The following HS3ST4 variants were observed in gnomAD, a reference collection of about 807,000 sequenced individuals.
HS3ST4 encodes the protein heparan sulfate-glucosamine 3-sulfotransferase 4.
A neutral mutation model predicts 29.2 loss-of-function variants in HS3ST4; 17 were observed. That is an observed-to-expected ratio of 0.58 (90% CI 0.40 to 0.87). HS3ST4 has a LOEUF of 0.87. Among genes scored for constraint, HS3ST4 ranks in the 40% least tolerant of loss-of-function variants. The pLI is 0.00. For missense variants in HS3ST4, 627 were observed against 634.5 expected, an observed-to-expected ratio of 0.99 and a Z score of 0.13; for synonymous variants, 314 against 285.7, an observed-to-expected ratio of 1.10 and a Z score of -1.00.
intron 1 of HS3ST4, among the ~76,000 whole-genome samples, chr16:25,858,485 A>G (rs1292984934): frequency 6.6e-6 from 1 of 152,156 alleles, no homozygotes; most frequent in Non-Finnish European, 1.5e-5. Context: ...TCTTTTACAA[A>G]TGATTCTGCA....
chr16:25,813,011 A>T (rs938814999), intron 1 of HS3ST4, among the ~76,000 whole-genome samples: 1 of 152,188 alleles, frequency 6.6e-6, no homozygotes, highest in Non-Finnish European at 1.5e-5. Context: ...GGCTCAACTC[A>T]CAGACTAGAT....
At chr16:25,775,571 C>A (rs551201636) in intron 1 of HS3ST4, among the ~76,000 whole-genome samples, 114 of 152,344 alleles carry the variant, frequency 7.5e-4, no homozygotes, top group African/African-American at 2.5e-3. Context: ...TCCATCCCCA[C>A]CACATGCACC....
chr16:26,060,918 A>T (rs1382004853), intron 1 of HS3ST4, among the ~76,000 whole-genome samples: 1 of 152,206 alleles, frequency 6.6e-6, no homozygotes, highest in Non-Finnish European at 1.5e-5. Flanking sequence ...ATTCACTGTT[A>T]TCCACATACT....
intron 1 of HS3ST4, among the ~76,000 whole-genome samples, chr16:25,792,712 G>A (rs1966871908): frequency 1.4e-5 from 2 of 143,434 alleles, no homozygotes; most frequent in Non-Finnish European, 3.1e-5. Flanking sequence ...TTTGTTAGGT[G>A]TTTATCAATT....
chr16:25,840,974 G>GTTTGTTTA (rs1555468296), intron 1 of HS3ST4, among the ~76,000 whole-genome samples: 6 of 51,986 alleles, frequency 1.2e-4, no homozygotes, highest in Admixed American at 4.4e-4. Context: ...ATATTTGTTT[G>GTTTGTTTA]TTTATTTATT....
intron 1 of HS3ST4, among the ~76,000 whole-genome samples, chr16:25,767,588 A>T (rs1966828414): frequency 6.6e-6 from 1 of 151,912 alleles, no homozygotes; most frequent in African/African-American, 2.4e-5. Context: ...ACAGAACAAA[A>T]CTCACAGTGT....
intron 1 of HS3ST4, among the ~76,000 whole-genome samples, chr16:25,914,732 G>A (rs767600436): frequency 1.5e-4 from 23 of 151,798 alleles, no homozygotes; most frequent in Admixed American, 3.9e-4. Context: ...GCCAGAGGGA[G>A]ATGAGAGCTG....
intron 1 of HS3ST4, among the ~76,000 whole-genome samples, chr16:26,077,778 A>G (rs984410666): frequency 6.6e-6 from 1 of 152,262 alleles, no homozygotes; most frequent in Non-Finnish European, 1.5e-5. Flanking sequence ...AGCCTCAAAA[A>G]TGAACCGTGT....
intron 1 of HS3ST4, among the ~76,000 whole-genome samples, chr16:25,951,248 T>G (rs1419086954): frequency 6.6e-6 from 1 of 152,212 alleles, no homozygotes; most frequent in Admixed American, 6.5e-5. Flanking sequence ...CTGCAGCCAC[T>G]GCCAGTTTTT....
chr16:25,872,106 C>T (rs1316795173), intron 1 of HS3ST4, among the ~76,000 whole-genome samples: 3 of 152,158 alleles, frequency 2.0e-5, no homozygotes, highest in Non-Finnish European at 2.9e-5. Context: ...GGTGCTAAAT[C>T]AATGTCTGCT....
At chr16:25,926,594 G>A (rs1364101024) in intron 1 of HS3ST4, among the ~76,000 whole-genome samples, 1 of 152,154 alleles carries the variant, frequency 6.6e-6, no homozygotes, top group Admixed American at 6.5e-5. Flanking sequence ...CCTGCTCAGT[G>A]TTTACCTTAA....
At chr16:26,092,035 G>T (rs867448973) in intron 1 of HS3ST4, among the ~76,000 whole-genome samples, 1 of 152,004 alleles carries the variant, frequency 6.6e-6, no homozygotes, top group African/African-American at 2.4e-5. Context: ...TGGAAATGCC[G>T]AGCTGAGCCC....
intron 1 of HS3ST4, among the ~76,000 whole-genome samples, chr16:25,981,105 C>G (rs898789420): frequency 6.6e-6 from 1 of 152,052 alleles, no homozygotes; most frequent in Non-Finnish European, 1.5e-5. Context: ...GGCCTGTAAT[C>G]CTAGCATTTT....
intron 1 of HS3ST4, among the ~76,000 whole-genome samples, chr16:25,907,014 G>A (rs1266933822): frequency 2.6e-5 from 4 of 152,018 alleles, no homozygotes; most frequent in Admixed American, 1.3e-4. Context: ...GGGCAACATA[G>A]CAAGACCCTA....
At chr16:26,035,909 C>T (rs777477476) in intron 1 of HS3ST4, among the ~76,000 whole-genome samples, 8 of 152,224 alleles carry the variant, frequency 5.3e-5, no homozygotes, top group Non-Finnish European at 1.0e-4. Context: ...ATTATGTGAA[C>T]TATGAGTGCA....
At chr16:25,888,507 C>T (rs1217409248) in intron 1 of HS3ST4, among the ~76,000 whole-genome samples, 1 of 152,218 alleles carries the variant, frequency 6.6e-6, no homozygotes, top group East Asian at 1.9e-4. Flanking sequence ...ATTACAGTGA[C>T]TTCCAAGACT....
At chr16:25,903,964 G>T (rs1313206903) in intron 1 of HS3ST4, among the ~76,000 whole-genome samples, 3 of 152,138 alleles carry the variant, frequency 2.0e-5, no homozygotes, top group Non-Finnish European at 2.9e-5. Context: ...ATAAATATTT[G>T]GTGAATGAGA....
intron 1 of HS3ST4, among the ~76,000 whole-genome samples, chr16:26,095,875 T>G (rs898865020): frequency 5.9e-5 from 9 of 151,862 alleles, no homozygotes; most frequent in African/African-American, 2.2e-4. Flanking sequence ...ACTAGCAAGA[T>G]TAATGAAGAA....
intron 1 of HS3ST4, among the ~76,000 whole-genome samples, chr16:25,892,741 G>A (rs1484342818): frequency 6.6e-6 from 1 of 152,184 alleles, no homozygotes; most frequent in African/African-American, 2.4e-5. Flanking sequence ...ATCTTTCAGA[G>A]CCATTACCCG....
Sources: gnomAD v4.1 joint callset for allele counts (sites outside exome capture counted in the v4.1 genomes callset) on GRCh38, gnomAD v4.1.1 for gene constraint, MANE v1.5 for transcripts, NCBI Gene and HGNC (gene_info 2026-07-23, HGNC 2026-07-21) for gene names.